Variants in NPM1 observed in about 807,000 individuals in gnomAD.
NPM1 encodes nucleophosmin.
NPM1 carries 1 observed loss-of-function variant against 44.1 expected under a neutral mutation model. The observed-to-expected ratio is 0.02, with a 90% CI of 0.01 to 0.11. NPM1 has a LOEUF of 0.11. Among genes scored for constraint, NPM1 ranks in the 10% least tolerant of loss-of-function variants. NPM1 has a pLI of 1.00. For synonymous variants in NPM1, 126 were observed against 111.8 expected (o/e 1.13, Z -0.80); for missense variants, 197 against 347.8 (o/e 0.57, Z 3.45).
At chr5:171,404,368 C>T (rs951831539) in intron 8 of NPM1, among the ~76,000 whole-genome samples, 1 of 77,722 alleles carries the variant, frequency 1.3e-5, no homozygotes, top group African/African-American at 5.4e-5. Context: ...AGGGGCTCCT[C>T]ACTTCTCAGA....
intron 10 of NPM1, among the ~76,000 whole-genome samples, chr5:171,409,376 ACT>A (rs202218876): frequency 0.01 from 1,541 of 151,998 alleles, 28 homozygotes; most frequent in African/African-American, 0.036. Context: ...ACATGGCAAA[ACT>A]CTGTCTCTAC....
At chr5:171,402,158 A>G (rs1440807147) in intron 8 of NPM1, among the ~76,000 whole-genome samples, 1 of 150,154 alleles carries the variant, frequency 6.7e-6, no homozygotes. Context: ...GTAACTAATG[A>G]TGAACCTCCA....
chr5:171,400,958 G>A, intron 8 of NPM1, 33 bp downstream of exon 8: 1 of 1,401,534 alleles, frequency 7.1e-7, no homozygotes, highest in African/African-American at 1.4e-5. Context: ...GGGTCTCATT[G>A]ATCTAGTTGG....
chr5:171,408,243 C>T (rs1771666371), intron 10 of NPM1, among the ~76,000 whole-genome samples: 1 of 151,634 alleles, frequency 6.6e-6, no homozygotes, highest in African/African-American at 2.4e-5. Flanking sequence ...GTGGCTACTA[C>T]CAGATACATA....
chr5:171,392,248 T>A (rs149359949), intron 4 of NPM1, among the ~76,000 whole-genome samples: 1 of 152,320 alleles, frequency 6.6e-6, no homozygotes, highest in Non-Finnish European at 1.5e-5. Context: ...GCCTAAAAAT[T>A]ATTTTTTAAT....
Position 171,410,509 on chromosome 5 carries a change from CT to C in NPM1, c.847-5del, listed in dbSNP as rs34323200. The C allele has an allele frequency of 0.14, 146,704 of 1,068,308 alleles. 356 individuals carry two copies. The highest frequency in any genetic ancestry group is 0.25 in the South Asian group (15,645 of 62,860). 66.2% of individuals were successfully genotyped at this position (1,068,308 alleles called of 1,614,324 possible). A position where few individuals can be genotyped will look rare whatever the true frequency, so the allele number is the denominator to read the frequency against. On this transcript the variant is annotated splice_polypyrimidine_tract_variant and intron_variant, in intron 10 of 10. Coordinates refer to ENST00000296930, the MANE Select transcript of NPM1 (RefSeq NM_002520.7). Reference sequence around the variant, plus strand: ...GTGTTGTGGTTCCTTAACCACATTTCTTTTTTTTTTTTTCCAGGCTATTCAA... The same window carrying C: ...GTGTTGTGGTTCCTTAACCACATTTCTTTTTTTTTTTTCCAGGCTATTCAA...
At chr5:171,388,741 A>C (rs2113148697) in intron 1 of NPM1, among the ~76,000 whole-genome samples, 1 of 152,364 alleles carries the variant, frequency 6.6e-6, no homozygotes, top group Admixed American at 6.5e-5. Context: ...CAGTGCTTAC[A>C]GCATGTACTG....
At chr5:171,388,043 G>T in intron 1 of NPM1, 37 bp downstream of exon 1, 1 of 1,569,798 alleles carries the variant, frequency 6.4e-7, no homozygotes, top group Non-Finnish European at 8.8e-7. Context: ...GGCCGAGCGG[G>T]GCCTGGTGGC....
chr5:171,392,586 CTTTTTTT>C (rs34475806), intron 4 of NPM1, 117 bp from the exon 5 acceptor site: 2 of 451,254 alleles, frequency 4.4e-6, no homozygotes, highest in African/African-American at 2.2e-5. Flanking sequence ...CCCATGTGCT[CTTTTTTT>C]TTTTTTTTTT....
intron 9 of NPM1, chr5:171,406,739 T>C: frequency 8.9e-7 from 1 of 1,121,452 alleles, no homozygotes; most frequent in Non-Finnish European, 1.1e-6. Context: ...TAAGAATGTA[T>C]GTGACAATAA....
At chr5:171,389,640 C>G (rs372275488) in intron 1 of NPM1, among the ~76,000 whole-genome samples, 11 of 152,244 alleles carry the variant, frequency 7.2e-5, no homozygotes, top group African/African-American at 2.2e-4. Context: ...GTAAGCTATT[C>G]ATGTTTGTAA....
intron 8 of NPM1, among the ~76,000 whole-genome samples, chr5:171,403,665 G>A (rs1379838793): frequency 6.9e-6 from 1 of 144,798 alleles, no homozygotes; most frequent in Admixed American, 6.9e-5. Flanking sequence ...CTCCCGGACG[G>A]GGCGGCTGGC....
chr5:171,395,962 A>ATTTTTTTTTTTTTTT (rs200119475), intron 6 of NPM1, among the ~76,000 whole-genome samples: 1 of 133,440 alleles, frequency 7.5e-6, no homozygotes. Flanking sequence ...AGTAAAGCTG[A>ATTTTTTTTTTTTTTT]ATTTTTTTTT....
At chr5:171,404,065 G>A (rs1771418261) in intron 8 of NPM1, among the ~76,000 whole-genome samples, 1 of 68,544 alleles carries the variant, frequency 1.5e-5, no homozygotes, top group Non-Finnish European at 2.9e-5. Context: ...CCCGGACGGG[G>A]CGGCTGGCCG....
At chr5:171,396,515 A>G (rs1187751772) in intron 6 of NPM1, among the ~76,000 whole-genome samples, 1 of 152,226 alleles carries the variant, frequency 6.6e-6, no homozygotes, top group Non-Finnish European at 1.5e-5. Flanking sequence ...TACTTTTTCT[A>G]AATACAGCAA....
Position 171,391,827 on chromosome 5 carries a change from T to C in NPM1, c.352+28T>C, listed in dbSNP as rs758764070. On this transcript the variant is annotated intron_variant, in intron 4 of 10. Transcript: ENST00000296930. ...ATGTTATTTTTATATATTATACTAC[T>C]TAGTTTGTCCTCTTTAGTGCAGTTG... 1.1e-5 allele frequency: 15 copies of C among 1,403,624 alleles called. No individual in the cohort carries two copies. The South Asian group carries it at 1.7e-4, about 16-fold the overall frequency. 86.9% of individuals were successfully genotyped at this position (1,403,624 alleles called of 1,614,324 possible). A position where few individuals can be genotyped will look rare whatever the true frequency, so the allele number is the denominator to read the frequency against.
At chr5:171,406,636 CTTTCTA>C (rs1248270067) in intron 9 of NPM1, 1 of 1,321,648 alleles carries the variant, frequency 7.6e-7, no homozygotes. Context: ...TTGCCCTTTG[CTTTCTA>C]TTACTTGTGC....
In NPM1 at chr5:171,410,509, C is replaced by CTTT; in HGVS notation, c.847-7_847-5dup. On this transcript the variant is annotated splice_polypyrimidine_tract_variant and intron_variant, in intron 10 of 10. Coordinates refer to ENST00000296930, the MANE Select transcript of NPM1 (RefSeq NM_002520.7). Reference sequence around the variant, plus strand: ...GTGTTGTGGTTCCTTAACCACATTTCTTTTTTTTTTTTTCCAGGCTATTCA... The same window carrying CTTT: ...GTGTTGTGGTTCCTTAACCACATTTCTTTTTTTTTTTTTTTTCCAGGCTATTCA... 4.6e-5 allele frequency: 56 copies of CTTT among 1,229,070 alleles called. No individual in the cohort carries two copies. The highest frequency in any genetic ancestry group is 1.3e-4 in the South Asian group (9 of 69,934). The allele number at this position is 1,229,070 out of a possible 1,614,324, so 76.1% of individuals were successfully genotyped here. A position where few individuals can be genotyped will look rare whatever the true frequency, so the allele number is the denominator to read the frequency against.
At chr5:171,400,457 TTCC>T (rs1771135861) in intron 7 of NPM1, among the ~76,000 whole-genome samples, 1 of 139,046 alleles carries the variant, frequency 7.2e-6, no homozygotes, top group African/African-American at 2.8e-5. Context: ...TGCTTTTTCC[TTCC>T]TTTTTTTTTT....
Sources: allele counts gnomAD v4.1 joint callset (sites outside exome capture counted in the v4.1 genomes callset), GRCh38; gene constraint gnomAD v4.1.1; transcripts MANE v1.5; gene names NCBI Gene and HGNC (gene_info 2026-07-23, HGNC 2026-07-21).